The following TMEM156 variants were observed in gnomAD, a reference collection of about 807,000 sequenced individuals.
TMEM156 encodes the protein transmembrane protein 156.
In TMEM156, 28 loss-of-function variants were observed where a neutral mutation model predicts 30.5. That is an observed-to-expected ratio of 0.92 (90% CI 0.68 to 1.26). The LOEUF (loss-of-function observed/expected upper bound fraction) is 1.26, where lower values mean the gene tolerates loss of function less well. Among genes scored for constraint, TMEM156 ranks in the 50% most tolerant of loss-of-function variants. The pLI is 0.00. For synonymous variants in TMEM156, 137 were observed against 119.9 expected (o/e 1.14, Z -0.93); for missense variants, 351 against 340.6 (o/e 1.03, Z -0.24).
At chr4:38,989,520 A>T (rs1712261429) in intron 3 of TMEM156, among the ~76,000 whole-genome samples, 1 of 152,250 alleles carries the variant, frequency 6.6e-6, no homozygotes, top group Non-Finnish European at 1.5e-5. Flanking sequence ...TTGCACGCCA[A>T]TGATCAGATC....
At chr4:39,005,698 G>A (rs750688484) in intron 1 of TMEM156, among the ~76,000 whole-genome samples, 1 of 152,150 alleles carries the variant, frequency 6.6e-6, no homozygotes, top group African/African-American at 2.4e-5. Flanking sequence ...TAAAGTAGGA[G>A]CATTTTGCTG....
At chr4:38,994,680 G>T (rs979407115) in intron 2 of TMEM156, among the ~76,000 whole-genome samples, 3 of 152,140 alleles carry the variant, frequency 2.0e-5, no homozygotes, top group Non-Finnish European at 4.4e-5. Context: ...CAAGCACGGC[G>T]ATCCTGCCTG....
At chr4:39,002,909 G>A (rs1041466303) in intron 1 of TMEM156, among the ~76,000 whole-genome samples, 8 of 152,008 alleles carry the variant, frequency 5.3e-5, no homozygotes, top group African/African-American at 1.7e-4. Flanking sequence ...GGGAGGGATA[G>A]CATTGGGAGA....
intron 3 of TMEM156, among the ~76,000 whole-genome samples, chr4:38,990,939 G>T (rs28367296): frequency 0.53 from 76,808 of 145,076 alleles, 20,468 homozygotes; most frequent in East Asian, 0.71. Context: ...GTTCAAGCGA[G>T]TCTCCTGCCT....
chr4:39,002,287 T>A (rs1459633903), intron 1 of TMEM156, among the ~76,000 whole-genome samples: 2 of 152,150 alleles, frequency 1.3e-5, no homozygotes, highest in African/African-American at 4.8e-5. Flanking sequence ...GAAAAAATGT[T>A]CACCATCAAT....
chr4:38,998,772 T>C lies in TMEM156; in HGVS notation c.226A>G (p.Asn76Asp). 6.2e-7 allele frequency: 1 copy of C among 1,613,938 alleles called. No homozygotes were observed. The highest frequency in any genetic ancestry group is 8.5e-7 in the Non-Finnish European group (1 of 1,179,954). Reference protein sequence around the residue: ...ETQIIMRIFLNPSNFRNFTRT... With the variant: ...ETQIIMRIFLDPSNFRNFTRT... ...GTGAAGTTACGAAAATTGGAGGGAT[T>C]TAGAAAGATTCTCATGATAATCTGA... is the stretch of plus-strand genomic sequence containing the variant. Residue 76 changes from asparagine (N) to aspartate (D), a missense_variant, in exon 2 of 7, where the codon AAT becomes GAT. Physicochemically the swap from Asn to Asp is conservative, Grantham distance 23. Transcript: ENST00000381938.
intron 1 of TMEM156, among the ~76,000 whole-genome samples, chr4:39,019,208 T>A (rs1714705985): frequency 6.6e-6 from 1 of 152,166 alleles, no homozygotes; most frequent in South Asian, 2.1e-4. Context: ...ATTTCTTCTA[T>A]CCTTTGCAGC....
At chr4:38,989,752 C>G (rs908076155) in intron 3 of TMEM156, among the ~76,000 whole-genome samples, 6 of 152,256 alleles carry the variant, frequency 3.9e-5, no homozygotes, top group African/African-American at 1.4e-4. Context: ...TAACACACAA[C>G]TGTCTACTGA....
intron 2 of TMEM156, among the ~76,000 whole-genome samples, chr4:38,995,066 T>G (rs1314275374): frequency 6.6e-6 from 1 of 152,218 alleles, no homozygotes; most frequent in African/African-American, 2.4e-5. Context: ...GGTTTGCTGA[T>G]AACCTTTGGC....
At chr4:39,006,186 G>T (rs1309217315) in intron 1 of TMEM156, among the ~76,000 whole-genome samples, 4 of 152,142 alleles carry the variant, frequency 2.6e-5, no homozygotes, top group Non-Finnish European at 4.4e-5. Context: ...ATGAACCACT[G>T]CCTGGCAGTT....
chr4:38,984,329 CTCTG>C (rs903042621), intron 5 of TMEM156, among the ~76,000 whole-genome samples: 7 of 135,424 alleles, frequency 5.2e-5, no homozygotes, highest in Non-Finnish European at 1.1e-4. Context: ...CTCTCTTTCT[CTCTG>C]TCTCTCTCTC....
chr4:38,979,553 A>C (rs1723075670), intron 5 of TMEM156, among the ~76,000 whole-genome samples: 1 of 152,226 alleles, frequency 6.6e-6, no homozygotes. Context: ...CATGCACAGA[A>C]TTTAGTAGGA....
intron 3 of TMEM156, among the ~76,000 whole-genome samples, chr4:38,989,861 G>A (rs186040274): frequency 1.1e-4 from 17 of 152,066 alleles, no homozygotes; most frequent in Non-Finnish European, 2.2e-4. Context: ...GTGCAATGGC[G>A]CGATCTCAGC....
Position 39,002,024 on chromosome 4 carries a change from T to C in TMEM156, c.89-3115A>G, listed in dbSNP as rs1713397449. Among the ~76,000 whole-genome samples the C allele has an allele frequency of 2.3e-5, 3 of 133,304 alleles. No individual in the cohort carries two copies. In the Admixed American group the frequency reaches 2.3e-4, roughly 10 times the overall value. 87.5% of individuals were successfully genotyped at this position (133,304 alleles called of 152,430 possible). ...AAAGCAATGGCAACAAAAGACAAAA[T>C]TGACAAATGGGATCTAATTAAACTA... On this transcript the variant is annotated intron_variant, in intron 1 of 6. Transcript: ENST00000381938.
chr4:38,993,012 C>T (rs1712652494), intron 3 of TMEM156, among the ~76,000 whole-genome samples: 1 of 151,282 alleles, frequency 6.6e-6, no homozygotes, highest in Non-Finnish European at 1.5e-5. Context: ...CCTCCCACCT[C>T]AGCCTCCCAA....
chr4:38,983,914 A>G (rs1332484518), intron 5 of TMEM156, among the ~76,000 whole-genome samples: 1 of 152,066 alleles, frequency 6.6e-6, no homozygotes, highest in East Asian at 1.9e-4. Context: ...TTTACTCTAT[A>G]CTTATTTCCC....
intron 2 of TMEM156, among the ~76,000 whole-genome samples, chr4:38,995,949 A>G (rs1359460296): frequency 1.3e-5 from 2 of 152,164 alleles, no homozygotes; most frequent in Non-Finnish European, 2.9e-5. Flanking sequence ...GCCCAGGTAG[A>G]AAGACCACAT....
intron 1 of TMEM156, among the ~76,000 whole-genome samples, chr4:39,023,250 G>T (rs971729776): frequency 3.9e-5 from 6 of 152,272 alleles, no homozygotes; most frequent in African/African-American, 1.4e-4. Flanking sequence ...AACTGTGAAG[G>T]CTGTTGTTTA....
chr4:39,025,129 G>A (rs1018360141), intron 1 of TMEM156, among the ~76,000 whole-genome samples: 5 of 151,946 alleles, frequency 3.3e-5, no homozygotes, highest in Admixed American at 3.3e-4. Context: ...TGGGCAGATT[G>A]CCTAAACTCG....
Sources: gnomAD v4.1 joint callset for allele counts (sites outside exome capture counted in the v4.1 genomes callset) on GRCh38, gnomAD v4.1.1 for gene constraint, MANE v1.5 for transcripts, NCBI Gene and HGNC (gene_info 2026-07-23, HGNC 2026-07-21) for gene names.